Variants in SARDH observed in about 807,000 individuals in gnomAD.
SARDH encodes the protein sarcosine dehydrogenase, also known as sarcosine dehydrogenase, mitochondrial.
In SARDH, 95 loss-of-function variants were observed where a neutral mutation model predicts 109.1. The ratio of observed to expected loss-of-function variants is 0.87; its 90% CI spans 0.74 to 1.03. SARDH has a LOEUF of 1.03. SARDH is among the 50% of genes least tolerant of loss of function. The pLI is 0.00. For synonymous variants in SARDH, 572 were observed against 534.8 expected (o/e 1.07, Z -0.96); for missense variants, 1,267 against 1,287.8 (o/e 0.98, Z 0.25).
At chr9:133,719,282 G>A (rs1055719487) in intron 6 of SARDH, among the ~76,000 whole-genome samples, 1 of 152,148 alleles carries the variant, frequency 6.6e-6, no homozygotes, top group African/African-American at 2.4e-5. Context: ...AGGGGAAGAA[G>A]GAAGAAGGAA....
At chr9:133,705,159 G>T in intron 11 of SARDH, 128 bp from the exon 12 acceptor site, 1 of 869,734 alleles carries the variant, frequency 1.1e-6, no homozygotes, top group Non-Finnish European at 1.8e-6. Flanking sequence ...CTTGGAACCA[G>T]GCCTCCAGCC....
Position 133,713,037 on chromosome 9 carries a change from C to A in SARDH, c.1237+1G>T, listed in dbSNP as rs753849130. Reference sequence around the variant, plus strand: ...CCAGGAGGGCTGCTGCCCGGACTCACCTGCGCTGTTGAAGCCACAGCCCAG... The same window carrying A: ...CCAGGAGGGCTGCTGCCCGGACTCAACTGCGCTGTTGAAGCCACAGCCCAG... On this transcript the variant is annotated splice_donor_variant, in intron 9 of 20. Coordinates refer to ENST00000439388, the MANE Select transcript of SARDH (RefSeq NM_001134707.2). LOFTEE classifies it high-confidence loss of function. The A allele has an allele frequency of 2.5e-5, 41 of 1,610,148 alleles. No homozygotes were observed. The highest frequency in any genetic ancestry group is 3.3e-4 in the Middle Eastern group (2 of 6,056).
At chr9:133,685,074 C>T in intron 17 of SARDH, 119 bp downstream of exon 17, 1 of 782,552 alleles carries the variant, frequency 1.3e-6, no homozygotes, top group South Asian at 1.8e-5. Flanking sequence ...CAGTTGGGGA[C>T]CGAGGCCCAG....
At chr9:133,665,811 G>A (rs1830045441) in intron 20 of SARDH, among the ~76,000 whole-genome samples, 1 of 152,216 alleles carries the variant, frequency 6.6e-6, no homozygotes, top group African/African-American at 2.4e-5. Context: ...CTTCTCCCAA[G>A]TGCTCGCTCC....
intron 17 of SARDH, among the ~76,000 whole-genome samples, chr9:133,672,143 G>A (rs1830373280): frequency 6.6e-6 from 1 of 151,572 alleles, no homozygotes; most frequent in Non-Finnish European, 1.5e-5. Context: ...CTCCTCCCGA[G>A]CACCTCCCGA....
At chr9:133,695,539 C>T (rs3003587) in intron 14 of SARDH, among the ~76,000 whole-genome samples, 132,974 of 152,210 alleles carry the variant, frequency 0.87, 58,557 homozygotes, top group East Asian at 0.96. Flanking sequence ...AAGGCCAAGA[C>T]TCCCGGCCAC....
intron 13 of SARDH, 47 bp from the exon 14 acceptor site, chr9:133,696,408 G>T: frequency 6.2e-7 from 1 of 1,612,764 alleles, no homozygotes; most frequent in African/African-American, 1.3e-5. Flanking sequence ...CCTTTGGGGT[G>T]TGCTTCTTCC....
At position 133,709,305 on chromosome 9, in the gene SARDH, C is replaced by A. The variant is rs532458977; in HGVS notation, c.1329-877G>T. Among the ~76,000 whole-genome samples the A allele has an allele frequency of 1.3e-5, 2 of 152,166 alleles. No homozygotes were observed. The highest frequency in any genetic ancestry group is 2.1e-4 in the South Asian group (1 of 4,830). On this transcript the variant is annotated intron_variant, in intron 10 of 20. Transcript: ENST00000439388. The surrounding 1 kb of genome is among the most constrained non-coding windows in gnomAD (Gnocchi z 4.2). ...AGTGGGCAGAGCAATCAGTGCCCCG[C>A]GGCTTGTTCCCTGGTCTCCTCAGAC... is the stretch of plus-strand genomic sequence containing the variant.
chr9:133,695,333 C>T (rs1831244941), intron 14 of SARDH, among the ~76,000 whole-genome samples: 3 of 152,198 alleles, frequency 2.0e-5, no homozygotes, highest in African/African-American at 4.8e-5. Context: ...ATCCCAGCTA[C>T]TCAGGAGGCT....
downstream of SARDH, among the ~76,000 whole-genome samples, chr9:133,661,022 G>C (rs1832405283): frequency 1.3e-5 from 2 of 152,182 alleles, no homozygotes; most frequent in Admixed American, 6.5e-5. Flanking sequence ...GGGCAACATA[G>C]TGAAATCCTG....
intron 17 of SARDH, among the ~76,000 whole-genome samples, chr9:133,673,778 T>C (rs910637536): frequency 2.0e-5 from 3 of 152,164 alleles, no homozygotes; most frequent in Non-Finnish European, 2.9e-5. Flanking sequence ...CAATCTCATT[T>C]TGAAACAGGA....
At chr9:133,735,989 G>A (rs1227353773) in intron 1 of SARDH, among the ~76,000 whole-genome samples, 2 of 151,368 alleles carry the variant, frequency 1.3e-5, no homozygotes, top group African/African-American at 2.4e-5. Flanking sequence ...GCAGTAAGCC[G>A]AGATTGTGCC....
At chr9:133,690,123 G>A (rs1346268154) in intron 16 of SARDH, among the ~76,000 whole-genome samples, 1 of 152,188 alleles carries the variant, frequency 6.6e-6, no homozygotes, top group East Asian at 1.9e-4. Flanking sequence ...TGGTGACTCA[G>A]AGACTGCCCT....
Position 133,713,039 on chromosome 9 carries a change from T to C in SARDH, c.1236A>G (p.Ala412=). Reference sequence around the variant, plus strand: ...AGGAGGGCTGCTGCCCGGACTCACCTGCGCTGTTGAAGCCACAGCCCAGGA... The same window carrying C: ...AGGAGGGCTGCTGCCCGGACTCACCCGCGCTGTTGAAGCCACAGCCCAGGA... The part of the protein sequence containing the change: ...GFFLGCGFNS[A]GMMLGGGCGQ... The change falls in exon 9 of 21, where the codon GCA becomes GCG. Residue 412 remains alanine, a splice_region_variant and synonymous_variant. Coordinates refer to ENST00000439388, the MANE Select transcript of SARDH (RefSeq NM_001134707.2). 6.2e-7 allele frequency: 1 copy of C among 1,610,546 alleles called. No individual in the cohort carries two copies. Among genetic ancestry groups the C allele is most frequent in the Non-Finnish European group, 8.5e-7 (1 of 1,179,026 alleles).
intron 13 of SARDH, 80 bp downstream of exon 13, chr9:133,702,836 G>T: frequency 7.5e-7 from 1 of 1,335,844 alleles, no homozygotes. Context: ...CCCCTGCAGG[G>T]CCAGCCGAGG....
intron 15 of SARDH, 54 bp downstream of exon 15, chr9:133,694,204 A>C: frequency 3.1e-6 from 4 of 1,307,340 alleles, no homozygotes; most frequent in Non-Finnish European, 4.3e-6. Flanking sequence ...CACAACCACC[A>C]GTCCACAGAG....
Position 133,712,866 on chromosome 9 carries a change from T to G in SARDH, c.1238-157A>C. 1 of 921,236 alleles carries G rather than the reference T, an allele frequency of 1.1e-6. No individual in the cohort carries two copies. The highest frequency in any genetic ancestry group is 1.7e-6 in the Non-Finnish European group (1 of 601,608). 57.1% of individuals were successfully genotyped at this position (921,236 alleles called of 1,614,324 possible). On this transcript the variant is annotated intron_variant, in intron 9 of 20. Coordinates refer to ENST00000439388, the MANE Select transcript of SARDH (RefSeq NM_001134707.2). The surrounding 1 kb of genome is among the most constrained non-coding windows in gnomAD (Gnocchi z 4.1). The stretch of plus-strand genomic sequence containing the variant: ...CCTCCTGATTGGACTGCTGCTGGAC[T>G]GGACCCTGGCACAGGTGCACTCTCT...
rs541340369 is a variant in SARDH, at chr9:133,730,908, C to T, written c.690+397G>A. Reference sequence around the variant, plus strand: ...AGGAGAATGGCATGAACCCGGGAGGCAGAGCTTGCAGTGAGCAGTGATCAT... The same window carrying T: ...AGGAGAATGGCATGAACCCGGGAGGTAGAGCTTGCAGTGAGCAGTGATCAT... On this transcript the variant is annotated intron_variant, in intron 4 of 20. Transcript: ENST00000439388. Among the ~76,000 whole-genome samples, 24 of 152,256 alleles carry T rather than the reference C, an allele frequency of 1.6e-4. No individual in the cohort carries two copies. In the East Asian group the frequency reaches 4.1e-3, roughly 26 times the overall value.
intron 17 of SARDH, among the ~76,000 whole-genome samples, chr9:133,676,900 A>T (rs1346570652): frequency 1.3e-5 from 2 of 152,188 alleles, no homozygotes; most frequent in Admixed American, 1.3e-4. Flanking sequence ...GCACTTTGGG[A>T]GGCCGAGTTG....
Sources: gnomAD v4.1 joint callset for allele counts (sites outside exome capture counted in the v4.1 genomes callset) on GRCh38, gnomAD v4.1.1 for gene constraint, Gnocchi (gnomAD v3.1) non-coding constraint, MANE v1.5 for transcripts, NCBI Gene and HGNC (gene_info 2026-07-23, HGNC 2026-07-21) for gene names.